Variants in PDGFC observed in about 807,000 individuals in gnomAD.
PDGFC encodes platelet derived growth factor C.
Under a neutral mutation model 35.5 loss-of-function variants are expected in PDGFC, and 12 were observed. The observed-to-expected ratio is 0.34, with a 90% CI of 0.22 to 0.55. The LOEUF (loss-of-function observed/expected upper bound fraction) is 0.55. PDGFC is among the 20% of genes least tolerant of loss of function. The probability of loss-of-function intolerance (pLI) is 0.91; values close to 1 mark genes in which losing one functional copy is unlikely to be tolerated. For synonymous variants in PDGFC, 159 were observed against 148.8 expected, an observed-to-expected ratio of 1.07 and a Z score of -0.50; for missense variants, 322 against 412.4, an observed-to-expected ratio of 0.78 and a Z score of 1.90.
At chr4:156,911,826 C>T (rs576618609) in intron 1 of PDGFC, among the ~76,000 whole-genome samples, 21 of 152,168 alleles carry the variant, frequency 1.4e-4, no homozygotes, top group South Asian at 1.0e-3. Flanking sequence ...AATAAGTCTA[C>T]GTAATTAATG....
chr4:156,971,183 G>C lies in PDGFC; in HGVS notation c.-280C>G, dbSNP rs1732583649. 2.2e-6 allele frequency: 1 copy of C among 447,618 alleles called. No homozygotes were observed. The highest frequency in any genetic ancestry group is 1.9e-5 in the African/African-American group (1 of 51,296). 27.7% of individuals were successfully genotyped at this position (447,618 alleles called of 1,614,324 possible). ...AATCCTGAGCTGTGGCGAAGTGGTG[G>C]GGGTGGGGGTGAAGGCGAGGGAGGA... On this transcript the variant is annotated 5_prime_UTR_variant, in exon 1 of 6. Coordinates refer to ENST00000502773, the MANE Select transcript of PDGFC (RefSeq NM_016205.3).
At position 156,771,764 on chromosome 4, in the gene PDGFC, C is replaced by G. The variant is rs112568574; in HGVS notation, c.703+922G>C. 5.3e-3 allele frequency among the ~76,000 whole-genome samples: 812 copies of G among 152,278 alleles called. 11 individuals are homozygous for G. Among genetic ancestry groups the G allele is most frequent in the African/African-American group, 0.018 (738 of 41,558 alleles). ...TGCCCTTGTGAATGGCTCAAATTAA[C>G]CGAACATTATTCCTTTCATATAAAT... is the stretch of plus-strand genomic sequence containing the variant. On this transcript the variant is annotated intron_variant, in intron 4 of 5. Coordinates refer to ENST00000502773, the MANE Select transcript of PDGFC (RefSeq NM_016205.3).
intron 1 of PDGFC, among the ~76,000 whole-genome samples, chr4:156,882,350 C>A (rs751701450): frequency 9.9e-5 from 15 of 152,120 alleles, no homozygotes; most frequent in Admixed American, 3.9e-4. Context: ...TAAGACAATT[C>A]TCTCCCTAGT....
chr4:156,844,916 T>C (rs1729289400), intron 2 of PDGFC, among the ~76,000 whole-genome samples: 1 of 151,948 alleles, frequency 6.6e-6, no homozygotes, highest in South Asian at 2.1e-4. Context: ...ATACAGATGC[T>C]GTGCACAACT....
intron 2 of PDGFC, among the ~76,000 whole-genome samples, chr4:156,826,678 T>C (rs1425424426): frequency 2.0e-5 from 3 of 152,168 alleles, no homozygotes; most frequent in Non-Finnish European, 4.4e-5. Context: ...ACTTTAGATA[T>C]GGATTTATAA....
intron 1 of PDGFC, among the ~76,000 whole-genome samples, chr4:156,907,730 G>T (rs987024640): frequency 6.6e-6 from 1 of 152,156 alleles, no homozygotes; most frequent in Non-Finnish European, 1.5e-5. Context: ...GTGACTGGGG[G>T]TCCTTCACCT....
chr4:156,894,825 T>C (rs1445738194), intron 1 of PDGFC, among the ~76,000 whole-genome samples: 1 of 152,172 alleles, frequency 6.6e-6, no homozygotes, highest in Non-Finnish European at 1.5e-5. Flanking sequence ...GTCCATTTGA[T>C]TCAGATTTAG....
chr4:156,912,954 A>G (rs999563759), intron 1 of PDGFC, among the ~76,000 whole-genome samples: 1 of 152,140 alleles, frequency 6.6e-6, no homozygotes, highest in African/African-American at 2.4e-5. Flanking sequence ...CTTTTAAGAC[A>G]TAACCCACAC....
chr4:156,900,569 G>A (rs1233007365), intron 1 of PDGFC, among the ~76,000 whole-genome samples: 1 of 152,082 alleles, frequency 6.6e-6, no homozygotes, highest in South Asian at 2.1e-4. Context: ...AAGCGGGTGG[G>A]GTGGCTCACA....
chr4:156,917,451 TATGA>T (rs1560872244), intron 1 of PDGFC, among the ~76,000 whole-genome samples: 1 of 152,204 alleles, frequency 6.6e-6, no homozygotes, highest in Non-Finnish European at 1.5e-5. Context: ...TTATGATTTG[TATGA>T]TTTCCCACTG....
At chr4:156,789,308 C>T (rs1731223457) in intron 3 of PDGFC, among the ~76,000 whole-genome samples, 1 of 152,044 alleles carries the variant, frequency 6.6e-6, no homozygotes, top group Non-Finnish European at 1.5e-5. Flanking sequence ...AGAGTTAGGC[C>T]TATAATTCTT....
At chr4:156,850,635 G>C (rs752397438) in intron 1 of PDGFC, among the ~76,000 whole-genome samples, 1 of 151,934 alleles carries the variant, frequency 6.6e-6, no homozygotes, top group Non-Finnish European at 1.5e-5. Context: ...AAGGAACATA[G>C]CAAATTACTC....
At chr4:156,851,207 C>T (rs1729443802) in intron 1 of PDGFC, among the ~76,000 whole-genome samples, 1 of 151,706 alleles carries the variant, frequency 6.6e-6, no homozygotes, top group Non-Finnish European at 1.5e-5. Context: ...TCTTAAATGA[C>T]TCTGAAAAGT....
chr4:156,928,202 GA>G (rs1436624991), intron 1 of PDGFC, among the ~76,000 whole-genome samples: 1 of 152,086 alleles, frequency 6.6e-6, no homozygotes, highest in Non-Finnish European at 1.5e-5. Context: ...TTTGGGTGGG[GA>G]CACAGAGCTA....
At chr4:156,885,234 T>C (rs933795896) in intron 1 of PDGFC, among the ~76,000 whole-genome samples, 4 of 152,026 alleles carry the variant, frequency 2.6e-5, no homozygotes, top group African/African-American at 9.7e-5. Context: ...TTAGCCTCAG[T>C]TCTACTCCAT....
At chr4:156,966,837 T>C (rs1317171303) in intron 1 of PDGFC, among the ~76,000 whole-genome samples, 1 of 152,160 alleles carries the variant, frequency 6.6e-6, no homozygotes, top group African/African-American at 2.4e-5. Context: ...CACCTTTCAG[T>C]GGTAAAAGCA....
chr4:156,827,801 T>A (rs1226240073), intron 2 of PDGFC, among the ~76,000 whole-genome samples: 3 of 150,512 alleles, frequency 2.0e-5, no homozygotes, highest in African/African-American at 7.5e-5. Flanking sequence ...ACAGCACTGT[T>A]ATCACCAAAG....
intron 4 of PDGFC, 46 bp downstream of exon 4, chr4:156,772,640 C>T: frequency 8.2e-7 from 1 of 1,218,268 alleles, no homozygotes; most frequent in Non-Finnish European, 1.2e-6. Context: ...GAAACATTAG[C>T]TGTTAAGAAA....
intron 1 of PDGFC, among the ~76,000 whole-genome samples, chr4:156,968,550 G>C (rs1227272794): frequency 6.6e-6 from 1 of 152,190 alleles, no homozygotes; most frequent in Admixed American, 6.5e-5. Flanking sequence ...GGTAATGGTA[G>C]TAGCTCTAAC....
Sources: allele counts gnomAD v4.1 joint callset (sites outside exome capture counted in the v4.1 genomes callset), GRCh38; gene constraint gnomAD v4.1.1; transcripts MANE v1.5; gene names NCBI Gene and HGNC (gene_info 2026-07-23, HGNC 2026-07-21).